The following FAM53B variants were observed in gnomAD, a reference collection of about 807,000 sequenced individuals.
FAM53B encodes protein FAM53B.
FAM53B carries 12 observed loss-of-function variants against 32.7 expected under a neutral mutation model. The ratio of observed to expected loss-of-function variants is 0.37; its 90% CI spans 0.24 to 0.59. FAM53B has a LOEUF of 0.59. Ranked by LOEUF, FAM53B falls within the 20% of genes least tolerant of loss-of-function variation. The pLI, the probability that FAM53B is intolerant of heterozygous loss-of-function variation, is 0.72. For synonymous variants in FAM53B, 234 were observed against 228.7 expected (o/e 1.02, Z -0.21); for missense variants, 477 against 577.7 (o/e 0.83, Z 1.79).
At position 124,686,343 on chromosome 10, in the gene FAM53B, T is replaced by C. The variant is rs74648712; in HGVS notation, c.134-3964A>G. On this transcript the variant is annotated intron_variant, in intron 3 of 4. Coordinates refer to ENST00000337318, the MANE Select transcript of FAM53B (RefSeq NM_014661.4). ...CCTTCTGTGTTACAGAGTAAGCCTCTAAGGCCTATAAGATTTCTTTGTCGT... is the reference window on the plus strand; with the variant it reads ...CCTTCTGTGTTACAGAGTAAGCCTCCAAGGCCTATAAGATTTCTTTGTCGT... 7.9e-4 allele frequency among the ~76,000 whole-genome samples: 120 copies of C among 152,338 alleles called. 1 individual carries two copies. The East Asian group carries it at 0.021, about 27-fold the overall frequency.
chr10:124,641,425 G>C (rs1949472138), intron 4 of FAM53B, among the ~76,000 whole-genome samples: 1 of 152,222 alleles, frequency 6.6e-6, no homozygotes, highest in Non-Finnish European at 1.5e-5. Flanking sequence ...GCCCAAGTTA[G>C]GAGATGAGCC....
At chr10:124,724,892 T>C (rs1950092536) in intron 1 of FAM53B, among the ~76,000 whole-genome samples, 1 of 152,166 alleles carries the variant, frequency 6.6e-6, no homozygotes, top group Admixed American at 6.5e-5. Context: ...TCCCACGTGT[T>C]TTCGTGGATA....
chr10:124,655,957 G>C (rs1309599451), intron 4 of FAM53B, among the ~76,000 whole-genome samples: 1 of 152,222 alleles, frequency 6.6e-6, no homozygotes, highest in Non-Finnish European at 1.5e-5. Flanking sequence ...TGTGCACACA[G>C]CAGGTACGTA....
chr10:124,702,135 G>A (rs774302672), intron 2 of FAM53B, among the ~76,000 whole-genome samples: 9 of 152,214 alleles, frequency 5.9e-5, no homozygotes, highest in Non-Finnish European at 1.0e-4. Context: ...GGTGAGCTGC[G>A]CCTCTGGGGC....
chr10:124,662,167 A>AG (rs910726405), intron 4 of FAM53B, among the ~76,000 whole-genome samples: 9 of 152,250 alleles, frequency 5.9e-5, no homozygotes, highest in African/African-American at 2.2e-4. Flanking sequence ...TCATGGCCAC[A>AG]GCTGGTCCTG....
At chr10:124,697,429 G>C (rs1261078808) in intron 2 of FAM53B, among the ~76,000 whole-genome samples, 1 of 152,120 alleles carries the variant, frequency 6.6e-6, no homozygotes, top group Admixed American at 6.5e-5. Context: ...GGAACGCCTG[G>C]CCCCTCCAGG....
intron 4 of FAM53B, among the ~76,000 whole-genome samples, chr10:124,681,115 CA>C (rs1949767982): frequency 6.6e-6 from 1 of 152,210 alleles, no homozygotes; most frequent in African/African-American, 2.4e-5. Context: ...CTGATGGCCT[CA>C]TGTTTCAACA....
Position 124,649,415 on chromosome 10 carries a change from A to G in FAM53B, c.907-25811T>C, listed in dbSNP as rs1564867273. Reference sequence around the variant, plus strand: ...TGGGGTAGAGAGGGTGCTACAGGGCAGGCTGGCCCAGGCAACAAAGCCATG... The same window carrying G: ...TGGGGTAGAGAGGGTGCTACAGGGCGGGCTGGCCCAGGCAACAAAGCCATG... On this transcript the variant is annotated intron_variant, in intron 4 of 4. Transcript: ENST00000337318. Among the ~76,000 whole-genome samples, 3 of 152,358 alleles carry G rather than the reference A, an allele frequency of 2.0e-5. No homozygotes were observed. In the East Asian group the frequency reaches 5.8e-4, roughly 29 times the overall value.
chr10:124,725,729 C>G (rs1950097698), intron 1 of FAM53B, among the ~76,000 whole-genome samples: 3 of 152,268 alleles, frequency 2.0e-5, no homozygotes, highest in South Asian at 4.1e-4. Context: ...ATAGAATTAC[C>G]TAAAGGTAGG....
chr10:124,720,516 C>T (rs573990626), intron 1 of FAM53B, among the ~76,000 whole-genome samples: 1 of 152,216 alleles, frequency 6.6e-6, no homozygotes, highest in African/African-American at 2.4e-5. Flanking sequence ...AAACCCTATC[C>T]GACTGAATAA....
intron 4 of FAM53B, among the ~76,000 whole-genome samples, chr10:124,672,523 T>TG (rs1423192842): frequency 1.3e-5 from 2 of 152,256 alleles, no homozygotes; most frequent in African/African-American, 4.8e-5. Context: ...ACAGGCCCCT[T>TG]GTTTCCCGGA....
At chr10:124,623,736 G>A in intron 4 of FAM53B, 132 bp from the exon 5 acceptor site, 1 of 1,007,696 alleles carries the variant, frequency 9.9e-7, no homozygotes, top group Non-Finnish European at 1.4e-6. Flanking sequence ...CTCCTATCCA[G>A]GCAAGGACGG....
chr10:124,623,824 A>C, intron 4 of FAM53B: 1 of 529,174 alleles, frequency 1.9e-6, no homozygotes, highest in South Asian at 2.6e-5. Context: ...GCGCAATTCC[A>C]CTATTCACCT....
chr10:124,728,612 C>A (rs17635335), intron 1 of FAM53B, among the ~76,000 whole-genome samples: 5,787 of 152,306 alleles, frequency 0.038, 157 homozygotes, highest in Middle Eastern at 0.092. Context: ...CCGCACAGAA[C>A]AGAGGATTCT....
At chr10:124,689,408 T>C (rs755140535) in intron 3 of FAM53B, among the ~76,000 whole-genome samples, 1 of 152,174 alleles carries the variant, frequency 6.6e-6, no homozygotes, top group South Asian at 2.1e-4. Context: ...TTCAGAGCAG[T>C]GTCAGGAACA....
At chr10:124,721,543 T>C (rs549613862) in intron 1 of FAM53B, among the ~76,000 whole-genome samples, 91 of 152,338 alleles carry the variant, frequency 6.0e-4, no homozygotes, top group African/African-American at 2.1e-3. Context: ...ACCACACCCC[T>C]GGGCGAACCT....
intron 2 of FAM53B, among the ~76,000 whole-genome samples, chr10:124,698,705 A>T (rs528067085): frequency 6.6e-6 from 1 of 152,018 alleles, no homozygotes; most frequent in Non-Finnish European, 1.5e-5. Context: ...GATCCCAGCC[A>T]CTGCCAGCCC....
At chr10:124,716,033 A>G (rs1215386447) in intron 1 of FAM53B, among the ~76,000 whole-genome samples, 1 of 152,242 alleles carries the variant, frequency 6.6e-6, no homozygotes, top group Non-Finnish European at 1.5e-5. Context: ...TGCTCCTGCA[A>G]CTGGGCTGGT....
intron 3 of FAM53B, among the ~76,000 whole-genome samples, chr10:124,687,579 G>A (rs779020308): frequency 3.3e-5 from 5 of 152,214 alleles, no homozygotes. Flanking sequence ...AGCCAGAGCT[G>A]CAACAGGGTG....
Sources: gnomAD v4.1 joint callset for allele counts (sites outside exome capture counted in the v4.1 genomes callset) on GRCh38, gnomAD v4.1.1 for gene constraint, MANE v1.5 for transcripts, NCBI Gene and HGNC (gene_info 2026-07-23, HGNC 2026-07-21) for gene names.